The following PLCL1 variants were observed in gnomAD, a reference collection of about 807,000 sequenced individuals.
PLCL1 encodes inactive phospholipase C-like protein 1.
In PLCL1, 41 loss-of-function variants were observed where a neutral mutation model predicts 84.4. That is an observed-to-expected ratio of 0.49 (90% CI 0.38 to 0.63). The LOEUF (loss-of-function observed/expected upper bound fraction) is 0.63. Among genes scored for constraint, PLCL1 ranks in the 30% least tolerant of loss-of-function variants. PLCL1 has a pLI of 0.00. For synonymous variants in PLCL1, 490 were observed against 488.3 expected, an observed-to-expected ratio of 1.00 and a Z score of -0.05; for missense variants, 1,206 against 1,367.8, an observed-to-expected ratio of 0.88 and a Z score of 1.87.
chr2:198,076,833 A>T (rs1437531996), intron 1 of PLCL1, among the ~76,000 whole-genome samples: 20 of 152,200 alleles, frequency 1.3e-4, no homozygotes, highest in Admixed American at 2.0e-4. Flanking sequence ...AAGGCAACAG[A>T]TACAGTGATG....
intron 1 of PLCL1, among the ~76,000 whole-genome samples, chr2:197,822,344 T>C (rs145357711): frequency 2.3e-3 from 348 of 152,262 alleles, no homozygotes; most frequent in African/African-American, 7.9e-3. Context: ...ATTCTTACGT[T>C]GAGCCCAAAT....
chr2:197,915,981 G>C (rs527878597), intron 1 of PLCL1, among the ~76,000 whole-genome samples: 2 of 152,262 alleles, frequency 1.3e-5, no homozygotes, highest in African/African-American at 4.8e-5. Context: ...CTATAACTAA[G>C]AGCCTGGTAG....
intron 1 of PLCL1, among the ~76,000 whole-genome samples, chr2:197,846,504 G>A (rs1387805168): frequency 2.0e-5 from 3 of 152,046 alleles, no homozygotes; most frequent in Admixed American, 1.3e-4. Flanking sequence ...GTTAAAATTA[G>A]GAATCTTTTT....
chr2:197,907,859 TA>T (rs1688414446), intron 1 of PLCL1, among the ~76,000 whole-genome samples: 1 of 152,204 alleles, frequency 6.6e-6, no homozygotes, highest in South Asian at 2.1e-4. Flanking sequence ...CAGAGATTTG[TA>T]TTTAATTGGT....
intron 1 of PLCL1, among the ~76,000 whole-genome samples, chr2:197,957,439 G>T (rs542078197): frequency 8.5e-4 from 130 of 152,096 alleles, no homozygotes; most frequent in Non-Finnish European, 1.4e-3. Context: ...TTTTTTTGTA[G>T]CTTCTTTATT....
At chr2:197,844,023 C>T (rs191910713) in intron 1 of PLCL1, among the ~76,000 whole-genome samples, 4 of 152,186 alleles carry the variant, frequency 2.6e-5, no homozygotes, top group East Asian at 1.9e-4. Flanking sequence ...TAGAAATTAA[C>T]CCATGGGTTT....
intron 5 of PLCL1, among the ~76,000 whole-genome samples, chr2:198,111,817 G>A (rs966576236): frequency 2.0e-5 from 3 of 151,806 alleles, no homozygotes; most frequent in African/African-American, 7.3e-5. Flanking sequence ...CACCATAATA[G>A]TAATGGTTTG....
chr2:197,835,866 T>G (rs1036193884), intron 1 of PLCL1, among the ~76,000 whole-genome samples: 3 of 152,216 alleles, frequency 2.0e-5, no homozygotes, highest in African/African-American at 7.2e-5. Flanking sequence ...GTCGGACAAT[T>G]TTTTAATGAC....
intron 5 of PLCL1, among the ~76,000 whole-genome samples, chr2:198,106,911 A>G (rs1285789800): frequency 6.6e-6 from 1 of 151,816 alleles, no homozygotes; most frequent in African/African-American, 2.4e-5. Flanking sequence ...GCCAGCCTGC[A>G]ATTTTTAACT....
chr2:197,947,222 A>G (rs1056415421), intron 1 of PLCL1, among the ~76,000 whole-genome samples: 11 of 134,912 alleles, frequency 8.2e-5, no homozygotes, highest in Non-Finnish European at 1.5e-4. Flanking sequence ...AGTAAAGGGT[A>G]GAGGTGCTTA....
intron 1 of PLCL1, among the ~76,000 whole-genome samples, chr2:197,899,720 C>T (rs1688226075): frequency 6.7e-6 from 1 of 148,962 alleles, no homozygotes; most frequent in South Asian, 2.1e-4. Context: ...ACTGCAAGCT[C>T]CGCCTCCCAG....
intron 1 of PLCL1, among the ~76,000 whole-genome samples, chr2:198,043,502 C>T (rs1691715898): frequency 6.6e-6 from 1 of 152,126 alleles, no homozygotes; most frequent in Non-Finnish European, 1.5e-5. Flanking sequence ...TGCAGCCTTG[C>T]CATCAACGTG....
intron 1 of PLCL1, among the ~76,000 whole-genome samples, chr2:197,896,784 C>A (rs1320427118): frequency 1.3e-5 from 2 of 151,874 alleles, no homozygotes; most frequent in Admixed American, 6.6e-5. Context: ...TCATTGGTGG[C>A]TTTTTTCCAG....
At chr2:197,878,134 A>G (rs890766104) in intron 1 of PLCL1, among the ~76,000 whole-genome samples, 1 of 152,192 alleles carries the variant, frequency 6.6e-6, no homozygotes, top group African/African-American at 2.4e-5. Context: ...TGCATAGAGA[A>G]CTTTATTCTT....
At chr2:198,033,472 C>T (rs561275031) in intron 1 of PLCL1, among the ~76,000 whole-genome samples, 2 of 152,264 alleles carry the variant, frequency 1.3e-5, no homozygotes, top group East Asian at 3.9e-4. Flanking sequence ...ATTGGGTGTT[C>T]TCAAATGCGA....
chr2:197,896,251 C>T (rs188944467), intron 1 of PLCL1, among the ~76,000 whole-genome samples: 5 of 151,768 alleles, frequency 3.3e-5, no homozygotes, highest in Admixed American at 2.0e-4. Flanking sequence ...TACCAAATTC[C>T]GTATTAATTC....
intron 1 of PLCL1, among the ~76,000 whole-genome samples, chr2:197,860,925 C>T (rs780090369): frequency 2.6e-5 from 4 of 152,088 alleles, no homozygotes; most frequent in Non-Finnish European, 5.9e-5. Flanking sequence ...TTGGCATCTT[C>T]GTCATGAAAT....
intron 1 of PLCL1, among the ~76,000 whole-genome samples, chr2:197,981,672 G>A (rs966574075): frequency 3.9e-5 from 6 of 152,146 alleles, no homozygotes; most frequent in African/African-American, 7.2e-5. Flanking sequence ...TCAAGGGCCC[G>A]AAATGTCTGT....
At chr2:198,064,537 A>G (rs1692279747) in intron 1 of PLCL1, among the ~76,000 whole-genome samples, 1 of 152,168 alleles carries the variant, frequency 6.6e-6, no homozygotes, top group African/African-American at 2.4e-5. Flanking sequence ...TCACTTTATA[A>G]TCTATTAGAA....
Sources: gnomAD v4.1 joint callset for allele counts (sites outside exome capture counted in the v4.1 genomes callset) on GRCh38, gnomAD v4.1.1 for gene constraint, MANE v1.5 for transcripts, NCBI Gene and HGNC (gene_info 2026-07-23, HGNC 2026-07-21) for gene names.